CPS1: variants seen among roughly 807,000 people sequenced by gnomAD.
CPS1 encodes carbamoyl-phosphate synthase 1, also known as carbamoyl-phosphate synthase [ammonia], mitochondrial.
A neutral mutation model predicts 174.6 loss-of-function variants in CPS1; 109 were observed. That is an observed-to-expected ratio of 0.62 (90% CI 0.53 to 0.73). The LOEUF (loss-of-function observed/expected upper bound fraction) is 0.73. CPS1 is among the 30% of genes least tolerant of loss of function. The probability of loss-of-function intolerance (pLI) is 0.00; values close to 1 mark genes in which losing one functional copy is unlikely to be tolerated. For synonymous variants in CPS1, 637 were observed against 632.0 expected (o/e 1.01, Z -0.12); for missense variants, 1,689 against 1,821.9 (o/e 0.93, Z 1.33).
intron 1 of CPS1, among the ~76,000 whole-genome samples, chr2:210,482,384 C>T (rs1372718870): frequency 2.0e-5 from 3 of 151,434 alleles, no homozygotes; most frequent in Non-Finnish European, 2.9e-5. Context: ...TCGGCTCACT[C>T]AGCTCACTCT....
At position 210,576,290 on chromosome 2, in the gene CPS1, A is replaced by G; in HGVS notation, c.237-56A>G. 3.2e-6 allele frequency: 5 copies of G among 1,571,758 alleles called. No individual in the cohort carries two copies. In the South Asian group the frequency reaches 3.3e-5, roughly 10 times the overall value. On this transcript the variant is annotated intron_variant, in intron 2 of 37. Transcript: ENST00000233072. ...ATAATTCAGAGCATGTATGCAGATT[A>G]TAGCTTTGTAGTTACATACATTATT...
Position 210,625,365 on chromosome 2 carries a change from G to A in CPS1, c.2687+8824G>A, listed in dbSNP as rs1444681201. Among the ~76,000 whole-genome samples, 5 of 152,062 alleles carry A rather than the reference G, an allele frequency of 3.3e-5. No individual in the cohort carries two copies. In the East Asian group the frequency reaches 9.6e-4, roughly 29 times the overall value. Reference sequence around the variant, plus strand: ...ACAGGACACATTAATGGACATGTGAGAAGCAGAAATATGAATTCATGAAAG... The same window carrying A: ...ACAGGACACATTAATGGACATGTGAAAAGCAGAAATATGAATTCATGAAAG... On this transcript the variant is annotated intron_variant, in intron 21 of 37. Transcript: ENST00000233072.
intron 1 of CPS1, among the ~76,000 whole-genome samples, chr2:210,510,694 A>G (rs1229028467): frequency 6.6e-6 from 1 of 152,220 alleles, no homozygotes; most frequent in African/African-American, 2.4e-5. Flanking sequence ...ACAAGAAAAA[A>G]ACAACCCCAT....
At chr2:210,579,301 A>G (rs1697828028) in intron 4 of CPS1, among the ~76,000 whole-genome samples, 1 of 152,158 alleles carries the variant, frequency 6.6e-6, no homozygotes, top group South Asian at 2.1e-4. Flanking sequence ...TTTTAGTACA[A>G]CATGACTACT....
chr2:210,598,090 T>TC (rs34983401), intron 13 of CPS1, among the ~76,000 whole-genome samples: 14,614 of 150,310 alleles, frequency 0.097, 803 homozygotes, highest in East Asian at 0.25. Context: ...GGGAGCAGCT[T>TC]TTTTTTTTAA....
chr2:210,673,685 A>G (rs1019085558), intron 34 of CPS1: 5 of 152,214 alleles, frequency 3.3e-5, no homozygotes, highest in Admixed American at 6.5e-5. Context: ...AATTATAATA[A>G]TATTTATTAA....
chr2:210,531,900 A>G (rs1201091672), intron 1 of CPS1, among the ~76,000 whole-genome samples: 1 of 151,980 alleles, frequency 6.6e-6, no homozygotes, highest in Non-Finnish European at 1.5e-5. Context: ...GTTTTTTTCT[A>G]TTATTTGTTG....
chr2:210,630,287 G>A (rs926819769), intron 21 of CPS1, among the ~76,000 whole-genome samples: 2 of 151,952 alleles, frequency 1.3e-5, no homozygotes, highest in African/African-American at 4.8e-5. Flanking sequence ...TGGATTATTA[G>A]GGTCATTAAA....
chr2:210,647,896 C>T lies in CPS1; in HGVS notation c.3175C>T (p.Gln1059Ter). Residue 1059 changes from glutamine (Q) to a stop codon, truncating the protein, a stop_gained, in exon 26 of 38, where the codon CAG (glutamine) becomes TAG (stop). Transcript: ENST00000233072. LOFTEE classifies it high-confidence loss of function. Reference sequence around the variant, plus strand: ...TGGCTGCATCATATCAGTTGGAGGCCAGATTCCAAACAACCTGGCAGTTCC... The same window carrying T: ...TGGCTGCATCATATCAGTTGGAGGCTAGATTCCAAACAACCTGGCAGTTCC... The part of the protein sequence containing the change: ...CGGCIISVGG[Q>*]IPNNLAVPLY... 1 of 1,613,974 alleles carries T rather than the reference C, an allele frequency of 6.2e-7. No individual in the cohort carries two copies. Among genetic ancestry groups the T allele is most frequent in the Non-Finnish European group, 8.5e-7 (1 of 1,179,930 alleles).
chr2:210,488,212 A>C (rs1413883762), intron 1 of CPS1, among the ~76,000 whole-genome samples: 1 of 152,158 alleles, frequency 6.6e-6, no homozygotes, highest in African/African-American at 2.4e-5. Context: ...TTAGAAGAAA[A>C]AAAAAGAAGA....
At chr2:210,526,617 T>C (rs1300496767) in intron 1 of CPS1, among the ~76,000 whole-genome samples, 1 of 151,820 alleles carries the variant, frequency 6.6e-6, no homozygotes, top group African/African-American at 2.4e-5. Context: ...TTTTCTTTCC[T>C]CACTTCCCTG....
At chr2:210,658,479 A>C (rs1262529905) in intron 30 of CPS1, 120 bp from the exon 31 acceptor site, 10 of 727,578 alleles carry the variant, frequency 1.4e-5, no homozygotes, top group Non-Finnish European at 2.5e-6. Context: ...ATGTAGATAT[A>C]TAGCTGTCTG....
At chr2:210,565,002 A>T (rs2106054932) in intron 1 of CPS1, among the ~76,000 whole-genome samples, 1 of 151,318 alleles carries the variant, frequency 6.6e-6, no homozygotes, top group South Asian at 2.1e-4. Context: ...CAAAAAATAA[A>T]TAAATAAAAA....
intron 1 of CPS1, among the ~76,000 whole-genome samples, chr2:210,501,387 A>G (rs1270997459): frequency 6.6e-6 from 1 of 152,162 alleles, no homozygotes; most frequent in Non-Finnish European, 1.5e-5. Context: ...CAAATTTTCC[A>G]AACTTTTATG....
intron 1 of CPS1, among the ~76,000 whole-genome samples, chr2:210,558,017 G>A (rs1696973610): frequency 6.6e-6 from 1 of 151,688 alleles, no homozygotes; most frequent in South Asian, 2.1e-4. Context: ...GGGGAGAAGT[G>A]TGAGGGATGG....
intron 1 of CPS1, among the ~76,000 whole-genome samples, chr2:210,509,489 C>G (rs1695391021): frequency 1.3e-5 from 2 of 152,196 alleles, no homozygotes; most frequent in South Asian, 4.1e-4. Flanking sequence ...GATGCCCTCT[C>G]TCACCACTCC....
chr2:210,607,617 C>A (rs1429103086), intron 18 of CPS1, among the ~76,000 whole-genome samples: 1 of 151,820 alleles, frequency 6.6e-6, no homozygotes, highest in African/African-American at 2.4e-5. Context: ...TGGTGAAAGG[C>A]ATGTTGCCCT....
chr2:210,624,934 C>T (rs1559113329), intron 21 of CPS1, among the ~76,000 whole-genome samples: 1 of 151,968 alleles, frequency 6.6e-6, no homozygotes, highest in African/African-American at 2.4e-5. Context: ...TAAAATAACA[C>T]ATACTCAGAA....
intron 21 of CPS1, among the ~76,000 whole-genome samples, chr2:210,624,944 A>C (rs987163105): frequency 6.6e-6 from 1 of 152,072 alleles, no homozygotes; most frequent in Non-Finnish European, 1.5e-5. Flanking sequence ...CATACTCAGA[A>C]TATGTGTATA....
Sources: gnomAD v4.1 joint callset for allele counts (sites outside exome capture counted in the v4.1 genomes callset) on GRCh38, gnomAD v4.1.1 for gene constraint, MANE v1.5 for transcripts, NCBI Gene and HGNC (gene_info 2026-07-23, HGNC 2026-07-21) for gene names.